Variants in PITPNM3 observed in about 807,000 individuals in gnomAD.
The protein encoded by PITPNM3 is PITPNM family member 3, also known as membrane-associated phosphatidylinositol transfer protein 3.
Under a neutral mutation model 102.0 loss-of-function variants are expected in PITPNM3, and 26 were observed. That is an observed-to-expected ratio of 0.25 (90% CI 0.19 to 0.35). PITPNM3 has a LOEUF of 0.35. Among genes scored for constraint, PITPNM3 ranks in the 10% least tolerant of loss-of-function variants. The pLI is 1.00. For missense variants in PITPNM3, 1,083 were observed against 1,346.1 expected (o/e 0.80, Z 3.06); for synonymous variants, 578 against 558.6 (o/e 1.03, Z -0.49).
chr17:6,554,311 T>C (rs1224932806), intron 1 of PITPNM3, among the ~76,000 whole-genome samples: 2 of 97,106 alleles, frequency 2.1e-5, no homozygotes, highest in African/African-American at 9.0e-5. Flanking sequence ...AGACCGAGAC[T>C]CCATCTCAAA....
intron 1 of PITPNM3, among the ~76,000 whole-genome samples, chr17:6,551,201 C>CA (rs1567699147): frequency 6.6e-6 from 1 of 151,996 alleles, no homozygotes; most frequent in African/African-American, 2.4e-5. Flanking sequence ...ACTAAAAATA[C>CA]AAAAAATTAG....
chr17:6,511,967 G>C (rs927625415), intron 3 of PITPNM3, among the ~76,000 whole-genome samples: 1 of 152,224 alleles, frequency 6.6e-6, no homozygotes. Context: ...TCTGTGGCCA[G>C]TGATGGAGGC....
At chr17:6,471,550 C>T (rs997067166) in intron 11 of PITPNM3, among the ~76,000 whole-genome samples, 195 bp from the exon 12 acceptor site, 1 of 152,176 alleles carries the variant, frequency 6.6e-6, no homozygotes, top group Non-Finnish European at 1.5e-5. Flanking sequence ...GAAGGGACCC[C>T]GCTGCCACCG....
intron 3 of PITPNM3, among the ~76,000 whole-genome samples, chr17:6,515,397 C>CAAAAAA (rs61420968): frequency 6.1e-5 from 5 of 82,182 alleles, no homozygotes; most frequent in African/African-American, 1.3e-4. Context: ...GACTCCATCT[C>CAAAAAA]AAAAAAAAAA....
chr17:6,536,283 G>A (rs146447174), intron 2 of PITPNM3, among the ~76,000 whole-genome samples: 76 of 152,298 alleles, frequency 5.0e-4, no homozygotes, highest in Middle Eastern at 3.4e-3. Flanking sequence ...AGCAGGGCCC[G>A]AAGGGATAGA....
intron 4 of PITPNM3, among the ~76,000 whole-genome samples, chr17:6,498,790 T>G (rs1278090065): frequency 1.3e-5 from 2 of 151,970 alleles, no homozygotes. Context: ...TCACACTGGA[T>G]GGAAGCACAG....
intron 3 of PITPNM3, among the ~76,000 whole-genome samples, chr17:6,511,304 G>C (rs1425364580): frequency 1.3e-5 from 2 of 152,190 alleles, no homozygotes; most frequent in African/African-American, 4.8e-5. Flanking sequence ...GGTAGGATTG[G>C]ATAAAGATGG....
intron 4 of PITPNM3, among the ~76,000 whole-genome samples, chr17:6,497,494 G>A (rs1030285638): frequency 2.0e-5 from 3 of 152,216 alleles, no homozygotes; most frequent in Admixed American, 6.5e-5. Context: ...CTAGGAGAGA[G>A]GCTCAGTAGA....
chr17:6,455,195 C>T lies in PITPNM3; in HGVS notation c.*143G>A. On this transcript the variant is annotated 3_prime_UTR_variant, in exon 20 of 20. Transcript: ENST00000262483. ...CCCCCGGGCTCGGGCAGGATCCCTC[C>T]CCGCTCTGGTCGGACACTGCTGGAC... The T allele has an allele frequency of 8.7e-7, 1 of 1,152,728 alleles. No homozygotes were observed. The highest frequency in any genetic ancestry group is 1.7e-5 in the South Asian group (1 of 60,500). 71.4% of individuals were successfully genotyped at this position (1,152,728 alleles called of 1,614,324 possible).
At chr17:6,510,502 G>A (rs1366716178) in intron 3 of PITPNM3, among the ~76,000 whole-genome samples, 1 of 152,198 alleles carries the variant, frequency 6.6e-6, no homozygotes, top group Non-Finnish European at 1.5e-5. Context: ...TAGCTCACTG[G>A]ACTGTCACTG....
chr17:6,498,062 G>C (rs983017793), intron 4 of PITPNM3, among the ~76,000 whole-genome samples: 1 of 152,226 alleles, frequency 6.6e-6, no homozygotes, highest in Non-Finnish European at 1.5e-5. Flanking sequence ...CTGCCCCTTT[G>C]AGACAACAGC....
rs1032800050 is a variant in PITPNM3 at position 6,528,464 on chromosome 17, ATG to A, written c.119-3003_119-3002del. On this transcript the variant is annotated intron_variant, in intron 2 of 19. Coordinates refer to ENST00000262483, the MANE Select transcript of PITPNM3 (RefSeq NM_031220.4). ...TGTGTGTGTGCACGTGTGCACGTGCATGTGTGTGTGCATGCATGTGTGTGCAT... is the reference window on the plus strand; with the variant it reads ...TGTGTGTGTGCACGTGTGCACGTGCATGTGTGTGCATGCATGTGTGTGCAT... 7.9e-5 allele frequency among the ~76,000 whole-genome samples: 12 copies of A among 151,836 alleles called. No individual in the cohort carries two copies. The East Asian group carries it at 1.9e-3, about 25-fold the overall frequency.
chr17:6,528,487 T>C (rs1422478855), intron 2 of PITPNM3, among the ~76,000 whole-genome samples: 1 of 151,268 alleles, frequency 6.6e-6, no homozygotes, highest in Non-Finnish European at 1.5e-5. Context: ...TGCATGTGTG[T>C]GCATGCATGT....
intron 1 of PITPNM3, among the ~76,000 whole-genome samples, chr17:6,545,199 G>A (rs151267668): frequency 7.9e-5 from 12 of 152,334 alleles, no homozygotes; most frequent in East Asian, 1.9e-4. Context: ...ACATAGTGTC[G>A]CAGTGAGGAT....
intron 4 of PITPNM3, among the ~76,000 whole-genome samples, chr17:6,488,843 A>C (rs1452830272): frequency 6.6e-6 from 1 of 152,040 alleles, no homozygotes; most frequent in African/African-American, 2.4e-5. Context: ...CTTCCTGTTA[A>C]TTTCTGTTTG....
At chr17:6,555,711 A>G (rs1010047926) in intron 1 of PITPNM3, among the ~76,000 whole-genome samples, 1 of 152,190 alleles carries the variant, frequency 6.6e-6, no homozygotes. Context: ...GTCGGGCTGG[A>G]TGAATGAACG....
chr17:6,489,884 A>G (rs914393403), intron 4 of PITPNM3, among the ~76,000 whole-genome samples: 1 of 152,038 alleles, frequency 6.6e-6, no homozygotes, highest in Non-Finnish European at 1.5e-5. Context: ...CGCACCTGTA[A>G]TCCCAGCTAC....
Position 6,472,831 on chromosome 17 carries a change from G to C in PITPNM3, c.1259-4C>G. Reference sequence around the variant, plus strand: ...CAGGCAGGACGCACCTGGAAGCCTGGGGTGAGTGGGAAGACAGAGGGAAGC... The same window carrying C: ...CAGGCAGGACGCACCTGGAAGCCTGCGGTGAGTGGGAAGACAGAGGGAAGC... On this transcript the variant is annotated splice_polypyrimidine_tract_variant and splice_region_variant and intron_variant, in intron 10 of 19. Transcript: ENST00000262483. The surrounding 1 kb of genome is among the most constrained non-coding windows in gnomAD (Gnocchi z 4.1). 6.2e-7 allele frequency: 1 copy of C among 1,613,982 alleles called. No individual in the cohort carries two copies. Among genetic ancestry groups the C allele is most frequent in the Non-Finnish European group, 8.5e-7 (1 of 1,179,954 alleles).
chr17:6,541,039 G>A (rs1235371473), intron 1 of PITPNM3, among the ~76,000 whole-genome samples: 1 of 152,204 alleles, frequency 6.6e-6, no homozygotes, highest in African/African-American at 2.4e-5. Context: ...CTTCTGGAAA[G>A]GTGTTGGGGT....
Sources: gnomAD v4.1 joint callset for allele counts (sites outside exome capture counted in the v4.1 genomes callset) on GRCh38, gnomAD v4.1.1 for gene constraint, Gnocchi (gnomAD v3.1) non-coding constraint, MANE v1.5 for transcripts, NCBI Gene and HGNC (gene_info 2026-07-23, HGNC 2026-07-21) for gene names.